Variants in KCNG2 observed in about 807,000 individuals in gnomAD.
KCNG2 encodes the protein potassium voltage-gated channel modifier subfamily G member 2.
A neutral mutation model predicts 12.3 loss-of-function variants in KCNG2; 7 were observed. That is an observed-to-expected ratio of 0.57 (90% CI 0.32 to 1.07). KCNG2 has a LOEUF of 1.07. KCNG2 is among the 50% of genes least tolerant of loss of function. The probability of loss-of-function intolerance (pLI) is 0.04; values close to 1 mark genes in which losing one functional copy is unlikely to be tolerated. For missense variants in KCNG2, 703 were observed against 726.0 expected, an observed-to-expected ratio of 0.97 and a Z score of 0.36; for synonymous variants, 414 against 351.4, an observed-to-expected ratio of 1.18 and a Z score of -1.99.
intron 1 of KCNG2, among the ~76,000 whole-genome samples, chr18:79,841,742 A>G (rs1487406004): frequency 2.0e-5 from 3 of 152,192 alleles, no homozygotes; most frequent in Admixed American, 1.3e-4. Flanking sequence ...CAGTTTTCAT[A>G]CTCTTAGAGA....
intron 1 of KCNG2, among the ~76,000 whole-genome samples, chr18:79,808,022 G>A (rs533283569): frequency 3.1e-4 from 39 of 126,784 alleles, no homozygotes; most frequent in African/African-American, 1.3e-3. Flanking sequence ...AGCTGCCGGG[G>A]CCGCGCTGAC....
intron 1 of KCNG2, among the ~76,000 whole-genome samples, chr18:79,849,649 T>G (rs559957825): frequency 9.6e-4 from 147 of 152,358 alleles, no homozygotes; most frequent in Non-Finnish European, 1.6e-3. Flanking sequence ...CGCGGACGCT[T>G]GCCTTTCTCT....
At chr18:79,807,204 G>A (rs2087455951) in intron 1 of KCNG2, among the ~76,000 whole-genome samples, 1 of 152,152 alleles carries the variant, frequency 6.6e-6, no homozygotes, top group South Asian at 2.1e-4. Flanking sequence ...GGTTCCGAGT[G>A]GGTGGCTCAG....
chr18:79,834,332 T>C (rs909333769), intron 1 of KCNG2, among the ~76,000 whole-genome samples: 2 of 152,238 alleles, frequency 1.3e-5, no homozygotes, highest in African/African-American at 4.8e-5. Flanking sequence ...GCAGCCATTA[T>C]GGTTTTAGAC....
intron 3 of KCNG2, among the ~76,000 whole-genome samples, chr18:79,871,369 T>C (rs1979825063): frequency 6.6e-6 from 1 of 152,162 alleles, no homozygotes; most frequent in African/African-American, 2.4e-5. Context: ...GTGTGGCCTG[T>C]CCCTACAGCC....
chr18:79,845,356 G>A (rs374557892), intron 1 of KCNG2, among the ~76,000 whole-genome samples: 86 of 152,298 alleles, frequency 5.6e-4, no homozygotes, highest in African/African-American at 1.6e-3. Context: ...TGTCCATGTC[G>A]GCGTCCCGGT....
intron 3 of KCNG2, among the ~76,000 whole-genome samples, chr18:79,891,354 C>G (rs1169518150): frequency 6.6e-6 from 1 of 152,158 alleles, no homozygotes; most frequent in Non-Finnish European, 1.5e-5. Context: ...TCTCAGCCCC[C>G]CAAGTAGCTG....
intron 3 of KCNG2, among the ~76,000 whole-genome samples, chr18:79,866,997 CTG>C (rs1343507487): frequency 5.2e-5 from 3 of 57,550 alleles, no homozygotes; most frequent in African/African-American, 1.2e-4. Flanking sequence ...GCTGAGAGGT[CTG>C]TGTGCTGAGA....
At chr18:79,888,362 ACAG>A (rs1980610330) in intron 3 of KCNG2, among the ~76,000 whole-genome samples, 1 of 152,130 alleles carries the variant, frequency 6.6e-6, no homozygotes, top group Non-Finnish European at 1.5e-5. Flanking sequence ...GGGGGCTGGG[ACAG>A]CAGCATCCTC....
intron 1 of KCNG2, among the ~76,000 whole-genome samples, chr18:79,827,395 A>G (rs999929562): frequency 6.6e-6 from 1 of 152,120 alleles, no homozygotes; most frequent in South Asian, 2.1e-4. Flanking sequence ...TCCAGGTGAG[A>G]TGCTATCTTA....
chr18:79,867,603 G>T (rs112455875), intron 3 of KCNG2, among the ~76,000 whole-genome samples: 24 of 146,940 alleles, frequency 1.6e-4, no homozygotes, highest in African/African-American at 4.3e-4. Flanking sequence ...TCTGGGGGGG[G>T]ACCGTGAGCT....
intron 2 of KCNG2, among the ~76,000 whole-genome samples, chr18:79,858,905 G>A (rs1185532926): frequency 6.6e-6 from 1 of 152,148 alleles, no homozygotes; most frequent in Non-Finnish European, 1.5e-5. Flanking sequence ...CTCTGCCCAT[G>A]TTTAAATTGG....
In KCNG2 at chr18:79,884,558, G is replaced by T. The variant is rs765313476; in HGVS notation, c.625-14482G>T. ...GGAGCAGGGCTGGGTCTGGGCCTGG[G>T]CCTGGGCGTGGCAGCTCCCCAGGCC... is the stretch of plus-strand genomic sequence containing the variant. On this transcript the variant is annotated intron_variant, in intron 3 of 3. Transcript: ENST00000316249. This position sits in a 1 kb window ranked among gnomAD's most constrained non-coding sequence, Gnocchi z 5.5. Among the ~76,000 whole-genome samples, 144 of 152,308 alleles carry T rather than the reference G, an allele frequency of 9.5e-4. 1 individual carries two copies. The highest frequency in any genetic ancestry group is 6.8e-3 in the Middle Eastern group (2 of 294).
intron 1 of KCNG2, among the ~76,000 whole-genome samples, chr18:79,827,927 C>CT (rs55913813): frequency 0.096 from 13,575 of 141,022 alleles, 991 homozygotes; most frequent in African/African-American, 0.19. Context: ...TTCTTTCTTT[C>CT]TTTTTTTTTT....
chr18:79,854,283 C>A (rs1459860136), intron 1 of KCNG2, among the ~76,000 whole-genome samples: 8 of 152,248 alleles, frequency 5.3e-5, no homozygotes, highest in African/African-American at 1.9e-4. Context: ...CCGTGTGTGC[C>A]TGGGTGCCGT....
At chr18:79,860,790 G>A (rs1048832488) in intron 2 of KCNG2, among the ~76,000 whole-genome samples, 2 of 152,068 alleles carry the variant, frequency 1.3e-5, no homozygotes, top group Admixed American at 6.6e-5. Context: ...TTTTGAGTGT[G>A]GATGCCTTTT....
chr18:79,835,528 A>G (rs1374360166), intron 1 of KCNG2, among the ~76,000 whole-genome samples: 1 of 152,236 alleles, frequency 6.6e-6, no homozygotes, highest in Non-Finnish European at 1.5e-5. Context: ...AATACAATAA[A>G]TGGAATGGGA....
chr18:79,868,839 G>T (rs1979714458), intron 3 of KCNG2, among the ~76,000 whole-genome samples: 1 of 152,244 alleles, frequency 6.6e-6, no homozygotes, highest in Non-Finnish European at 1.5e-5. Flanking sequence ...AGCTGCTGAG[G>T]GACGGCAGTG....
intron 2 of KCNG2, among the ~76,000 whole-genome samples, chr18:79,858,601 G>T (rs1707289501): frequency 6.6e-6 from 1 of 151,156 alleles, no homozygotes; most frequent in Non-Finnish European, 1.5e-5. Flanking sequence ...GGGTCACCGG[G>T]TCACATGAGA....
Sources: gnomAD v4.1 joint callset for allele counts (sites outside exome capture counted in the v4.1 genomes callset) on GRCh38, gnomAD v4.1.1 for gene constraint, Gnocchi (gnomAD v3.1) non-coding constraint, MANE v1.5 for transcripts, NCBI Gene and HGNC (gene_info 2026-07-23, HGNC 2026-07-21) for gene names.